The following RPRD2 variants were observed in gnomAD, a reference collection of about 807,000 sequenced individuals.
The protein encoded by RPRD2 is regulation of nuclear pre-mRNA domain containing 2.
In RPRD2, 12 loss-of-function variants were observed where a neutral mutation model predicts 104.4. The observed-to-expected ratio is 0.11, with a 90% CI of 0.07 to 0.19. The LOEUF is 0.19. Among genes scored for constraint, RPRD2 ranks in the 10% least tolerant of loss-of-function variants. The pLI, the probability that RPRD2 is intolerant of heterozygous loss-of-function variation, is 1.00. For synonymous variants in RPRD2, 714 were observed against 684.9 expected (o/e 1.04, Z -0.66); for missense variants, 1,543 against 1,790.1 (o/e 0.86, Z 2.49).
chr1:150,451,445 C>T (rs781906852), intron 7 of RPRD2, among the ~76,000 whole-genome samples: 16 of 151,998 alleles, frequency 1.1e-4, no homozygotes, highest in Non-Finnish European at 2.2e-4. Flanking sequence ...GAGGCCGAGG[C>T]AGGTGGATCA....
intron 2 of RPRD2, among the ~76,000 whole-genome samples, chr1:150,436,819 T>C (rs1209309329): frequency 6.8e-6 from 1 of 147,920 alleles, no homozygotes; most frequent in African/African-American, 2.5e-5. Flanking sequence ...GCAGGACAAT[T>C]GCTTGAACCC....
intron 1 of RPRD2, among the ~76,000 whole-genome samples, chr1:150,410,977 G>A (rs757461086): frequency 2.6e-5 from 4 of 152,060 alleles, no homozygotes. Flanking sequence ...ATCCTCCCAC[G>A]TCAGCCTCTG....
chr1:150,473,420 T>G lies in RPRD2; in HGVS notation c.*86T>G, dbSNP rs1570812725. On this transcript the variant is annotated 3_prime_UTR_variant, in exon 11 of 11. Transcript: ENST00000369068. ...TTATTGTTGTTGTTTTTATTTGTTT[T>G]CTCTTTCTCGATTTTTTTTTTATTA... 7 of 1,361,142 alleles carry G rather than the reference T, an allele frequency of 5.1e-6. No individual in the cohort carries two copies. In the East Asian group the frequency reaches 9.4e-5, roughly 18 times the overall value. 84.3% of individuals were successfully genotyped at this position (1,361,142 alleles called of 1,614,324 possible).
chr1:150,379,305 AAAG>A (rs1553880268), intron 1 of RPRD2, among the ~76,000 whole-genome samples: 1 of 152,120 alleles, frequency 6.6e-6, no homozygotes, highest in Non-Finnish European at 1.5e-5. Flanking sequence ...AAAAGAAAGA[AAAG>A]AAATAATTTA....
chr1:150,434,397 T>G (rs1665858435), intron 2 of RPRD2, among the ~76,000 whole-genome samples: 1 of 152,052 alleles, frequency 6.6e-6, no homozygotes. Flanking sequence ...TTAAGAACAG[T>G]TAAAGCTGTT....
intron 1 of RPRD2, among the ~76,000 whole-genome samples, chr1:150,387,709 A>G (rs2102160890): frequency 6.9e-6 from 1 of 144,346 alleles, no homozygotes; most frequent in South Asian, 2.2e-4. Context: ...CTCCTGCATC[A>G]GCCTCCCCAG....
chr1:150,411,016 G>A (rs587621222), intron 1 of RPRD2, among the ~76,000 whole-genome samples: 7 of 152,186 alleles, frequency 4.6e-5, no homozygotes, highest in South Asian at 4.1e-4. Context: ...ATGCAATTAC[G>A]CCTGGCTAAC....
chr1:150,386,141 T>C (rs1344179271), intron 1 of RPRD2, among the ~76,000 whole-genome samples: 1 of 152,192 alleles, frequency 6.6e-6, no homozygotes, highest in Non-Finnish European at 1.5e-5. Context: ...ATTTATTTAT[T>C]TTACTTTTTT....
chr1:150,473,416 GTT>G lies in RPRD2; in HGVS notation c.*85_*86del. ...TGGTTTATTGTTGTTGTTTTTATTT[GTT>G]TTCTCTTTCTCGATTTTTTTTTTAT... On this transcript the variant is annotated 3_prime_UTR_variant, in exon 11 of 11. Transcript: ENST00000369068. 1 of 1,375,642 alleles carries G rather than the reference GTT, an allele frequency of 7.3e-7. No individual in the cohort carries two copies. Among genetic ancestry groups the G allele is most frequent in the Non-Finnish European group, 9.8e-7 (1 of 1,025,628 alleles). The allele number at this position is 1,375,642 out of a possible 1,614,324, so 85.2% of individuals were successfully genotyped here.
chr1:150,400,026 A>G (rs899980545), intron 1 of RPRD2, among the ~76,000 whole-genome samples: 1 of 152,176 alleles, frequency 6.6e-6, no homozygotes, highest in African/African-American at 2.4e-5. Context: ...TAAATATGGT[A>G]TATCTCGCCA....
intron 7 of RPRD2, among the ~76,000 whole-genome samples, chr1:150,451,704 C>CA (rs1387796726): frequency 6.7e-6 from 1 of 148,916 alleles, no homozygotes; most frequent in African/African-American, 2.5e-5. Context: ...TCGTCCACCC[C>CA]AAAAAGATGT....
At chr1:150,468,803 A>G (rs997854173) in intron 10 of RPRD2, among the ~76,000 whole-genome samples, 1 of 152,122 alleles carries the variant, frequency 6.6e-6, no homozygotes, top group Admixed American at 6.6e-5. Flanking sequence ...TTTGAGCCCA[A>G]GAGGTTGAGG....
At chr1:150,371,521 C>T (rs1382540541) in intron 1 of RPRD2, among the ~76,000 whole-genome samples, 4 of 152,294 alleles carry the variant, frequency 2.6e-5, no homozygotes, top group Non-Finnish European at 4.4e-5. Context: ...CAGGCACCCA[C>T]CACCAGGCTG....
chr1:150,454,567 G>A (rs1174869013), intron 7 of RPRD2, among the ~76,000 whole-genome samples: 1 of 152,098 alleles, frequency 6.6e-6, no homozygotes, highest in Admixed American at 6.6e-5. Context: ...ATGCTTCTTG[G>A]CTGGGCACAG....
Position 150,441,995 on chromosome 1 carries a change from C to A in RPRD2, c.514+37C>A, listed in dbSNP as rs201495323. 9 of 1,475,070 alleles carry A rather than the reference C, an allele frequency of 6.1e-6. No individual in the cohort carries two copies. In the Admixed American group the frequency reaches 1.3e-4, roughly 21 times the overall value. 91.4% of individuals were successfully genotyped at this position (1,475,070 alleles called of 1,614,324 possible). ...AATCTCAACTAATATAAAATTACCT[C>A]CTCTTTTTGGAGCAGAAGAAAATGT... On this transcript the variant is annotated intron_variant, in intron 4 of 10. Coordinates refer to ENST00000369068, the MANE Select transcript of RPRD2 (RefSeq NM_015203.5).
chr1:150,425,592 G>A (rs587722581), intron 2 of RPRD2, among the ~76,000 whole-genome samples: 4 of 151,488 alleles, frequency 2.6e-5, no homozygotes, highest in Middle Eastern at 6.8e-3. Flanking sequence ...GCAATGTGCC[G>A]AGATTGCATC....
chr1:150,450,476 G>A (rs948316046), intron 7 of RPRD2, among the ~76,000 whole-genome samples: 36 of 150,940 alleles, frequency 2.4e-4, no homozygotes, highest in Non-Finnish European at 4.4e-4. Context: ...GCGTGGTGGC[G>A]GGAGCCTGTA....
intron 6 of RPRD2, 23 bp downstream of exon 6, chr1:150,444,400 G>A: frequency 1.2e-6 from 2 of 1,603,894 alleles, no homozygotes; most frequent in South Asian, 1.1e-5. Context: ...TCCTTTTAGA[G>A]TAAGTCAGAT....
Position 150,474,207 on chromosome 1 carries a change from A to G in RPRD2, c.*873A>G, listed in dbSNP as rs752821704. The G allele has an allele frequency of 5.9e-5, 9 of 152,190 alleles. No homozygotes were observed. The highest frequency in any genetic ancestry group is 1.9e-4 in the African/African-American group (8 of 41,456). 9.4% of individuals were successfully genotyped at this position (152,190 alleles called of 1,614,324 possible). On this transcript the variant is annotated 3_prime_UTR_variant, in exon 11 of 11. Coordinates refer to ENST00000369068, the MANE Select transcript of RPRD2 (RefSeq NM_015203.5). The stretch of plus-strand genomic sequence containing the variant: ...AGAAAGACAGTCACTACAGTTGACT[A>G]TTGATACAAAGGTGCAACAGAAATA...
Sources: gnomAD v4.1 joint callset for allele counts (sites outside exome capture counted in the v4.1 genomes callset) on GRCh38, gnomAD v4.1.1 for gene constraint, MANE v1.5 for transcripts, NCBI Gene and HGNC (gene_info 2026-07-23, HGNC 2026-07-21) for gene names.